RORA: variants seen among roughly 807,000 people sequenced by gnomAD.
RORA encodes the protein nuclear receptor ROR-alpha.
A neutral mutation model predicts 69.5 loss-of-function variants in RORA; 7 were observed. That is an observed-to-expected ratio of 0.10 (90% confidence interval 0.06 to 0.19). RORA has a LOEUF of 0.19. Among genes scored for constraint, RORA ranks in the 10% least tolerant of loss-of-function variants. RORA has a pLI of 1.00. For missense variants in RORA, 457 were observed against 663.0 expected (o/e 0.69, Z 3.41); for synonymous variants, 261 against 240.8 (o/e 1.08, Z -0.78).
rs756218093 is a variant in RORA at position 60,531,741 on chromosome 15, A to T, written c.282+25T>A. 1 of 1,289,388 alleles carries T rather than the reference A, an allele frequency of 7.8e-7. No homozygotes were observed. Among genetic ancestry groups the T allele is most frequent in the South Asian group, 1.3e-5 (1 of 76,294 alleles). The allele number at this position is 1,289,388 out of a possible 1,614,324, so 79.9% of individuals were successfully genotyped here. A position where few individuals can be genotyped will look rare whatever the true frequency, so the allele number is the denominator to read the frequency against. On this transcript the variant is annotated intron_variant, in intron 3 of 10. Transcript: ENST00000335670. The surrounding 1 kb of genome is among the most constrained non-coding windows in gnomAD (Gnocchi z 4.8). The stretch of plus-strand genomic sequence containing the variant: ...ATATATTCTAACAAACATTAATAGA[A>T]ACAACAACAATTAAAAAGGCTTACC...
chr15:60,909,189 T>C (rs1459908819), intron 1 of RORA, among the ~76,000 whole-genome samples: 1 of 152,148 alleles, frequency 6.6e-6, no homozygotes, highest in Non-Finnish European at 1.5e-5. Flanking sequence ...ACCCCAAATA[T>C]TCAGACTGCA....
At chr15:61,055,051 G>T (rs186765878) in intron 1 of RORA, among the ~76,000 whole-genome samples, 1 of 152,024 alleles carries the variant, frequency 6.6e-6, no homozygotes. Flanking sequence ...TGCCCAGACT[G>T]GTCTCGAACT....
chr15:60,503,512 A>C (rs530561054), intron 7 of RORA, 23 bp downstream of exon 7: 5 of 1,613,304 alleles, frequency 3.1e-6, no homozygotes, highest in Non-Finnish European at 4.2e-6. Flanking sequence ...AGAGATCTCA[A>C]AATTCACTTG....
At chr15:60,589,318 A>G (rs911977178) in intron 2 of RORA, among the ~76,000 whole-genome samples, 2 of 152,252 alleles carry the variant, frequency 1.3e-5, no homozygotes, top group African/African-American at 4.8e-5. Context: ...GCATTTGCAC[A>G]TGAATCAGGC....
At chr15:61,222,325 T>C (rs1385425815) in intron 1 of RORA, among the ~76,000 whole-genome samples, 2 of 152,204 alleles carry the variant, frequency 1.3e-5, no homozygotes, top group African/African-American at 4.8e-5. Flanking sequence ...TAAGACAGTC[T>C]GTAATAATGA....
intron 1 of RORA, among the ~76,000 whole-genome samples, chr15:60,850,157 G>C (rs2073308771): frequency 6.6e-6 from 1 of 152,156 alleles, no homozygotes; most frequent in Admixed American, 6.5e-5. Context: ...ATCCAGACCT[G>C]AATCCAGGCT....
At chr15:60,549,637 T>A (rs539491666) in intron 2 of RORA, among the ~76,000 whole-genome samples, 1 of 152,300 alleles carries the variant, frequency 6.6e-6, no homozygotes, top group South Asian at 2.1e-4. Context: ...GATAGGTATG[T>A]GTGTGTGGGA....
At chr15:60,872,214 A>G (rs1030283839) in intron 1 of RORA, among the ~76,000 whole-genome samples, 1 of 152,164 alleles carries the variant, frequency 6.6e-6, no homozygotes, top group Admixed American at 6.5e-5. Flanking sequence ...TTAACCTCCT[A>G]TAGAATGAAT....
intron 2 of RORA, chr15:60,556,792 C>T: frequency 1.6e-6 from 2 of 1,288,298 alleles, no homozygotes; most frequent in South Asian, 1.3e-5. Flanking sequence ...AACCTCACTT[C>T]TTCCTAAAAG....
chr15:61,098,119 CCTTCTCTCCCTCCCTCCCT>C (rs2078819269), intron 1 of RORA, among the ~76,000 whole-genome samples: 1 of 130,580 alleles, frequency 7.7e-6, no homozygotes, highest in Non-Finnish European at 1.7e-5. Context: ...CTCCCTCCTT[CCTTCTCTCCCTCCCTCCCT>C]CCTTCTTTCC....
At chr15:61,085,722 A>G (rs2078615353) in intron 1 of RORA, among the ~76,000 whole-genome samples, 1 of 152,174 alleles carries the variant, frequency 6.6e-6, no homozygotes. Context: ...AAATTCCCCA[A>G]AGGACTACAA....
chr15:61,105,721 T>A (rs1041980669), intron 1 of RORA, among the ~76,000 whole-genome samples: 2 of 152,214 alleles, frequency 1.3e-5, no homozygotes, highest in African/African-American at 4.8e-5. Flanking sequence ...TTCAAATTCA[T>A]CTATCATGAC....
At chr15:60,635,514 T>C (rs765425572) in intron 2 of RORA, among the ~76,000 whole-genome samples, 1 of 152,236 alleles carries the variant, frequency 6.6e-6, no homozygotes, top group Non-Finnish European at 1.5e-5. Flanking sequence ...TTAAGGTGTT[T>C]CTTGCCAGAC....
chr15:60,947,066 G>C (rs1244384550), intron 1 of RORA, among the ~76,000 whole-genome samples: 1 of 87,064 alleles, frequency 1.1e-5, no homozygotes, highest in Non-Finnish European at 3.1e-5. Context: ...AGGGAGGTGG[G>C]GGGCCAGCCC....
At chr15:60,923,478 A>C (rs1892111507) in intron 1 of RORA, among the ~76,000 whole-genome samples, 1 of 152,210 alleles carries the variant, frequency 6.6e-6, no homozygotes, top group Non-Finnish European at 1.5e-5. Flanking sequence ...CTGGACGGGA[A>C]GCTGGAGACC....
intron 1 of RORA, among the ~76,000 whole-genome samples, chr15:60,788,281 C>T (rs774257638): frequency 2.9e-4 from 44 of 152,294 alleles, no homozygotes; most frequent in Admixed American, 6.5e-4. Context: ...ACATCTCTGA[C>T]CTCAAGGAGC....
intron 1 of RORA, among the ~76,000 whole-genome samples, chr15:60,992,724 A>T (rs1194965131): frequency 1.3e-5 from 2 of 152,234 alleles, no homozygotes; most frequent in African/African-American, 4.8e-5. Flanking sequence ...ACAAAGATAC[A>T]AGAGAAGGAT....
At position 60,511,194 on chromosome 15, in the gene RORA, G is replaced by C; in HGVS notation, c.820+32C>G. On this transcript the variant is annotated intron_variant, in intron 5 of 10. Coordinates refer to ENST00000335670, the MANE Select transcript of RORA (RefSeq NM_134261.3). This position sits in a 1 kb window ranked among gnomAD's most constrained non-coding sequence, Gnocchi z 6.4. ...CCTTTTACTTCAAAGGGCATGAATAGAGCATCCCAGGAGAAGCATGCATGC... is the reference window on the plus strand; with the variant it reads ...CCTTTTACTTCAAAGGGCATGAATACAGCATCCCAGGAGAAGCATGCATGC... 1.3e-6 allele frequency: 2 copies of C among 1,586,466 alleles called. No homozygotes were observed. The highest frequency in any genetic ancestry group is 1.7e-6 in the Non-Finnish European group (2 of 1,165,614).
chr15:60,992,086 ATGT>A (rs1424035833), intron 1 of RORA, among the ~76,000 whole-genome samples: 3 of 152,138 alleles, frequency 2.0e-5, no homozygotes, highest in Non-Finnish European at 4.4e-5. Flanking sequence ...CCATATGAAA[ATGT>A]TGTTAGTACT....
Sources: allele counts gnomAD v4.1 joint callset (sites outside exome capture counted in the v4.1 genomes callset), GRCh38; gene constraint gnomAD v4.1.1; non-coding constraint Gnocchi (gnomAD v3.1); transcripts MANE v1.5; gene names NCBI Gene and HGNC (gene_info 2026-07-23, HGNC 2026-07-21).